Variants in EXD3 observed in about 807,000 individuals in gnomAD.
EXD3 encodes the protein exonuclease 3'-5' domain containing 3.
Under a neutral mutation model 98.0 loss-of-function variants are expected in EXD3, and 92 were observed. The ratio of observed to expected loss-of-function variants is 0.94; its 90% confidence interval spans 0.79 to 1.12. The LOEUF is 1.12. Ranked by LOEUF, EXD3 falls within the 50% of genes most tolerant of loss-of-function variation. EXD3 has a pLI of 0.00. For missense variants in EXD3, 1,222 were observed against 1,191.6 expected, an observed-to-expected ratio of 1.03 and a Z score of -0.38; for synonymous variants, 569 against 526.0, an observed-to-expected ratio of 1.08 and a Z score of -1.12.
chr9:137,307,515 C>A, intron 21 of EXD3, 93 bp downstream of exon 21: 2 of 1,504,098 alleles, frequency 1.3e-6, no homozygotes, highest in Non-Finnish European at 1.8e-6. Context: ...CCCCTCTGCC[C>A]GGCCGGGACC....
chr9:137,322,514 C>T (rs1247506069), intron 19 of EXD3, among the ~76,000 whole-genome samples: 3 of 104,158 alleles, frequency 2.9e-5, no homozygotes, highest in East Asian at 3.3e-4. Flanking sequence ...CACCTCACCC[C>T]GGACCACGAG....
chr9:137,309,506 A>G (rs1275152117), intron 20 of EXD3, 101 bp downstream of exon 20: 6 of 934,354 alleles, frequency 6.4e-6, no homozygotes, highest in Non-Finnish European at 8.1e-6. Context: ...TTATCTGAGG[A>G]AGCTCAGTGC....
At chr9:137,415,806 A>G (rs902101202) in intron 1 of EXD3, among the ~76,000 whole-genome samples, 1 of 152,240 alleles carries the variant, frequency 6.6e-6, no homozygotes, top group African/African-American at 2.4e-5. Context: ...AACAGCATTT[A>G]AAAACCATGT....
intron 17 of EXD3, among the ~76,000 whole-genome samples, chr9:137,331,062 C>T (rs561415100): frequency 1.3e-5 from 2 of 152,094 alleles, no homozygotes; most frequent in East Asian, 1.9e-4. Flanking sequence ...TCACCATGAC[C>T]GAGTGAGTTT....
At position 137,348,104 on chromosome 9, in the gene EXD3, C is replaced by T. The variant is rs2119207841; in HGVS notation, c.1965G>A (p.Leu655=). ...LRCLGVDARM[L]GNGEDHRRAA... ...CCCTGCGGTGGTCTTCACCATTGCC[C>T]AGCATGCGTGCATCCACACCGAGAC... Residue 655 remains leucine, a synonymous_variant, in exon 17 of 22, where the codon CTG becomes CTA. Coordinates refer to ENST00000340951, the MANE Select transcript of EXD3 (RefSeq NM_017820.5). The T allele has an allele frequency of 6.2e-7, 1 of 1,611,970 alleles. No individual in the cohort carries two copies. Among genetic ancestry groups the T allele is most frequent in the South Asian group, 1.1e-5 (1 of 90,956 alleles).
chr9:137,377,523 C>A (rs1355401950), intron 3 of EXD3, among the ~76,000 whole-genome samples: 3 of 150,874 alleles, frequency 2.0e-5, no homozygotes, highest in African/African-American at 7.3e-5. Flanking sequence ...CCTGTAATCC[C>A]AGCACTTTGG....
At position 137,382,050 on chromosome 9, in the gene EXD3, AGGGCGCGC is replaced by A. The variant is rs1836317016; in HGVS notation, c.120+1255_120+1262del. ...GAGGTGAGGGCGCGGGGAGGAGGTG[AGGGCGCGC>A]GGAGGAGGTGAGGGCGCGCGGTGGA... is the stretch of plus-strand genomic sequence containing the variant. On this transcript the variant is annotated intron_variant, in intron 3 of 21. Coordinates refer to ENST00000340951, the MANE Select transcript of EXD3 (RefSeq NM_017820.5). Among the ~76,000 whole-genome samples, 3 of 125,248 alleles carry A rather than the reference AGGGCGCGC, an allele frequency of 2.4e-5. No homozygotes were observed. The South Asian group carries it at 7.9e-4, about 33-fold the overall frequency. 82.2% of individuals were successfully genotyped at this position (125,248 alleles called of 152,430 possible). A position where few individuals can be genotyped will look rare whatever the true frequency, so the allele number is the denominator to read the frequency against.
intron 5 of EXD3, among the ~76,000 whole-genome samples, chr9:137,368,485 C>A (rs1050517450): frequency 1.3e-5 from 2 of 152,206 alleles, no homozygotes; most frequent in African/African-American, 4.8e-5. Context: ...GAGGCGGAGA[C>A]GGGCACCCCG....
intron 19 of EXD3, among the ~76,000 whole-genome samples, chr9:137,315,151 A>G (rs1831576130): frequency 6.6e-6 from 1 of 152,170 alleles, no homozygotes; most frequent in South Asian, 2.1e-4. Flanking sequence ...AGCGCCTGGC[A>G]GTGGGTCACC....
intron 17 of EXD3, among the ~76,000 whole-genome samples, chr9:137,335,537 A>C (rs1297318542): frequency 6.6e-6 from 1 of 151,906 alleles, no homozygotes; most frequent in Non-Finnish European, 1.5e-5. Context: ...AAAATTAGCC[A>C]GGTGTGGTGG....
chr9:137,317,319 T>A (rs190493671), intron 19 of EXD3, among the ~76,000 whole-genome samples: 272 of 152,122 alleles, frequency 1.8e-3, no homozygotes, highest in African/African-American at 6.4e-3. Flanking sequence ...AACCTGGCCA[T>A]GGCCGGTCCC....
intron 17 of EXD3, among the ~76,000 whole-genome samples, chr9:137,325,625 G>A (rs897504271): frequency 3.9e-5 from 6 of 152,034 alleles, no homozygotes; most frequent in Non-Finnish European, 8.8e-5. Context: ...TAGAGACGGG[G>A]TTTCTCCATG....
At position 137,339,079 on chromosome 9, in the gene EXD3, A is replaced by G. The variant is rs867802725; in HGVS notation, c.1998+8992T>C. ...ATTTGAAATGTCGGATTAAATGGAC[A>G]CATTCCAGAAAAATTATAAATTACC... On this transcript the variant is annotated intron_variant, in intron 17 of 21. Transcript: ENST00000340951. 7.9e-5 allele frequency among the ~76,000 whole-genome samples: 12 copies of G among 152,282 alleles called. No individual in the cohort carries two copies. The Middle Eastern group carries it at 0.014, about 173-fold the overall frequency.
At chr9:137,328,600 G>GA (rs2057816925) in intron 17 of EXD3, among the ~76,000 whole-genome samples, 1 of 54,116 alleles carries the variant, frequency 1.8e-5, no homozygotes. Context: ...GACTACACGG[G>GA]ACTACACGGG....
intron 19 of EXD3, among the ~76,000 whole-genome samples, chr9:137,317,966 C>T (rs1364916351): frequency 5.9e-5 from 9 of 152,064 alleles, no homozygotes; most frequent in South Asian, 2.1e-4. Context: ...TGGGCTGAGA[C>T]GGACAGAGCC....
At position 137,349,415 on chromosome 9, in the gene EXD3, G is replaced by A; in HGVS notation, c.1611C>T (p.Ser537=). Residue 537 remains serine (S), a synonymous_variant, in exon 15 of 22, where the codon TCC becomes TCT. Coordinates refer to ENST00000340951, the MANE Select transcript of EXD3 (RefSeq NM_017820.5). This position sits in a 1 kb window ranked among gnomAD's most constrained non-coding sequence, Gnocchi z 7.4. ...CGCAGAGCGGCCTCCGGTCCCAGTT[G>A]GACAGCTGCTGCGTCTTGTCCAGGG... ...GTALDKTQQL[S]NWDRRPLCEE... 1.3e-6 allele frequency: 2 copies of A among 1,599,348 alleles called. No individual in the cohort carries two copies. The highest frequency in any genetic ancestry group is 1.1e-5 in the South Asian group (1 of 89,912).
At chr9:137,321,223 C>A (rs989173420) in intron 19 of EXD3, among the ~76,000 whole-genome samples, 1 of 152,320 alleles carries the variant, frequency 6.6e-6, no homozygotes, top group African/African-American at 2.4e-5. Context: ...TAGCAGAAGG[C>A]GCAGGCCTGC....
In EXD3 at chr9:137,323,855, A is replaced by G; in HGVS notation, c.2054T>C (p.Leu685Pro). The change falls in exon 19 of 22, where the codon CTC becomes CCC. Residue 685 changes from leucine (L) to proline (P), a missense_variant and splice_region_variant. By Grantham distance (98) the Leu-to-Pro change is moderately conservative. Coordinates refer to ENST00000340951, the MANE Select transcript of EXD3 (RefSeq NM_017820.5). ...GCGCCCAGCCCCGACCTGGGCCCGGAGCTGCAAAGACACGGCTCGGCTACT... is the reference window on the plus strand; with the variant it reads ...GCGCCCAGCCCCGACCTGGGCCCGGGGCTGCAAAGACACGGCTCGGCTACT... ...ILTSGQPFHK[L>P]RAQVGAGRCL... 1 of 1,610,002 alleles carries G rather than the reference A, an allele frequency of 6.2e-7. No individual in the cohort carries two copies. Among genetic ancestry groups the G allele is most frequent in the Non-Finnish European group, 8.5e-7 (1 of 1,179,144 alleles).
chr9:137,410,341 C>T (rs537768669), intron 1 of EXD3, among the ~76,000 whole-genome samples: 23 of 151,422 alleles, frequency 1.5e-4, no homozygotes, highest in Non-Finnish European at 3.1e-4. Context: ...AAAAATTAGC[C>T]AGGCGCGGTG....
Sources: gnomAD v4.1 joint callset for allele counts (sites outside exome capture counted in the v4.1 genomes callset) on GRCh38, gnomAD v4.1.1 for gene constraint, Gnocchi (gnomAD v3.1) non-coding constraint, MANE v1.5 for transcripts, NCBI Gene and HGNC (gene_info 2026-07-23, HGNC 2026-07-21) for gene names.